Variants in CADM1 observed in about 807,000 individuals in gnomAD.
CADM1 encodes cell adhesion molecule 1, also known as TSLC-1.
A neutral mutation model predicts 53.1 loss-of-function variants in CADM1; 15 were observed. The ratio of observed to expected loss-of-function variants is 0.28; its 90% CI spans 0.19 to 0.44. CADM1 has a LOEUF of 0.44. Among genes scored for constraint, CADM1 ranks in the 20% least tolerant of loss-of-function variants. The probability of loss-of-function intolerance (pLI) is 1.00; values close to 1 mark genes in which losing one functional copy is unlikely to be tolerated. For synonymous variants in CADM1, 281 were observed against 243.0 expected, an observed-to-expected ratio of 1.16 and a Z score of -1.45; for missense variants, 434 against 611.3, an observed-to-expected ratio of 0.71 and a Z score of 3.06.
chr11:115,407,857 G>T (rs1327570751), intron 1 of CADM1, among the ~76,000 whole-genome samples: 1 of 88,988 alleles, frequency 1.1e-5, no homozygotes, highest in African/African-American at 4.4e-5. Flanking sequence ...CAGAAGGAAA[G>T]TAAGACCCTG....
chr11:115,174,758 T>A lies in CADM1; in HGVS notation c.*1716A>T. ...AATAGAATATATATTTATATATATA[T>A]ATAGATCTATCTTTTTTGATGCCAT... is the stretch of plus-strand genomic sequence containing the variant. On this transcript the variant is annotated 3_prime_UTR_variant, in exon 12 of 12. Coordinates refer to ENST00000331581, the MANE Select transcript of CADM1 (RefSeq NM_001301043.2). The A allele has an allele frequency of 3.4e-6, 3 of 884,822 alleles. No homozygotes were observed. The highest frequency in any genetic ancestry group is 4.1e-6 in the Non-Finnish European group (3 of 738,402). 54.8% of individuals were successfully genotyped at this position (884,822 alleles called of 1,614,324 possible). A position where few individuals can be genotyped will look rare whatever the true frequency, so the allele number is the denominator to read the frequency against.
At chr11:115,429,851 T>A (rs1484819030) in intron 1 of CADM1, among the ~76,000 whole-genome samples, 1 of 152,134 alleles carries the variant, frequency 6.6e-6, no homozygotes, top group African/African-American at 2.4e-5. Flanking sequence ...GAAAACTCAG[T>A]GTGGTTTGTT....
intron 1 of CADM1, among the ~76,000 whole-genome samples, chr11:115,474,177 G>C (rs563814787): frequency 6.7e-6 from 1 of 150,372 alleles, no homozygotes; most frequent in South Asian, 2.1e-4. Flanking sequence ...TGTAGTCCCA[G>C]CTACTCTGGA....
intron 1 of CADM1, among the ~76,000 whole-genome samples, chr11:115,379,857 T>C (rs1343398672): frequency 5.3e-5 from 8 of 152,196 alleles, no homozygotes; most frequent in Admixed American, 3.3e-4. Flanking sequence ...TGGTATGTTA[T>C]AAAATACAGT....
intron 1 of CADM1, among the ~76,000 whole-genome samples, chr11:115,361,823 C>A (rs1290687709): frequency 6.6e-6 from 1 of 152,030 alleles, no homozygotes; most frequent in Non-Finnish European, 1.5e-5. Context: ...ACCTCCTGGG[C>A]ACAAGTAATC....
chr11:115,440,194 T>A (rs1330455959), intron 1 of CADM1, among the ~76,000 whole-genome samples: 1 of 152,248 alleles, frequency 6.6e-6, no homozygotes, highest in Non-Finnish European at 1.5e-5. Flanking sequence ...TTTTGTGCTC[T>A]AATTTTGGCT....
At chr11:115,294,761 C>A (rs565489342) in intron 1 of CADM1, among the ~76,000 whole-genome samples, 8 of 164 alleles carry the variant, frequency 0.049, no homozygotes. Flanking sequence ...CTCAGCTGGG[C>A]GCAGTGCTCA....
At chr11:115,365,260 A>G (rs1946128337) in intron 1 of CADM1, among the ~76,000 whole-genome samples, 1 of 63,980 alleles carries the variant, frequency 1.6e-5, no homozygotes, top group Admixed American at 1.4e-4. Context: ...AAAGTGATTC[A>G]TTGTTTCTAT....
rs11417765 is a variant in CADM1, at chr11:115,173,689, CTTT to C, written c.*2782_*2784del. The C allele has an allele frequency of 1.3e-4, 60 of 469,496 alleles. No individual in the cohort carries two copies. The highest frequency in any genetic ancestry group is 1.6e-4 in the Non-Finnish European group (57 of 362,204). The allele number at this position is 469,496 out of a possible 1,614,324, so 29.1% of individuals were successfully genotyped here. ...ATATTTTATAGTACTTCTTTTTTTTCTTTTTTTTTTTGTAAAAATGGTATACAT... is the reference window on the plus strand; with the variant it reads ...ATATTTTATAGTACTTCTTTTTTTTCTTTTTTTTGTAAAAATGGTATACAT... On this transcript the variant is annotated 3_prime_UTR_variant, in exon 12 of 12. Transcript: ENST00000331581.
chr11:115,329,256 T>A (rs1367705932), intron 1 of CADM1, among the ~76,000 whole-genome samples: 1 of 152,158 alleles, frequency 6.6e-6, no homozygotes, highest in South Asian at 2.1e-4. Flanking sequence ...GTACCCAAGA[T>A]CAGGTCTTTT....
intron 1 of CADM1, among the ~76,000 whole-genome samples, chr11:115,491,828 C>T (rs1949503909): frequency 6.6e-6 from 1 of 152,150 alleles, no homozygotes; most frequent in Non-Finnish European, 1.5e-5. Flanking sequence ...TGGAAACCAT[C>T]ATTTGGAGCA....
chr11:115,366,627 G>A (rs11215517), intron 1 of CADM1, among the ~76,000 whole-genome samples: 8,798 of 152,230 alleles, frequency 0.058, 353 homozygotes, highest in Non-Finnish European at 0.089. Flanking sequence ...ACTAGAGAAA[G>A]GAAGAGAAAT....
chr11:115,194,132 T>C (rs1940032616), intron 9 of CADM1: 1 of 152,136 alleles, frequency 6.6e-6, no homozygotes, highest in Admixed American at 6.5e-5. Context: ...GAACGTACAA[T>C]GTCTGCAGAG....
At position 115,400,595 on chromosome 11, in the gene CADM1, C is replaced by CTT. The variant is rs1455193014; in HGVS notation, c.124+103675_124+103676insAA. Among the ~76,000 whole-genome samples, 832 of 134,086 alleles carry CTT rather than the reference C, an allele frequency of 6.2e-3. 21 individuals are homozygous for CTT. The highest frequency in any genetic ancestry group is 0.015 in the African/African-American group (505 of 34,810). The allele number at this position is 134,086 out of a possible 152,430, so 88.0% of individuals were successfully genotyped here. The stretch of plus-strand genomic sequence containing the variant: ...ATATATATAATATATATATATATCT[C>CTT]TCATATATATAATATATATCTTTTA... On this transcript the variant is annotated intron_variant, in intron 1 of 11. Transcript: ENST00000331581.
chr11:115,217,795 G>C, intron 6 of CADM1, 97 bp downstream of exon 6: 1 of 797,832 alleles, frequency 1.3e-6, no homozygotes, highest in Non-Finnish European at 2.3e-6. Context: ...TTTGCAGCAG[G>C]AGACAGGTGA....
Position 115,217,569 on chromosome 11 carries a change from T to G in CADM1, c.821+323A>C, listed in dbSNP as rs1941239558. Among the ~76,000 whole-genome samples the G allele has an allele frequency of 3.3e-5, 5 of 152,192 alleles. No individual in the cohort carries two copies. The South Asian group carries it at 1.0e-3, about 32-fold the overall frequency. ...ACACAAAAGGTGGCAGATATATCAT[T>G]AGATTGTAGGGACACCAATAATTTA... On this transcript the variant is annotated intron_variant, in intron 6 of 11. Coordinates refer to ENST00000331581, the MANE Select transcript of CADM1 (RefSeq NM_001301043.2).
chr11:115,437,439 G>T (rs1948208571), intron 1 of CADM1, among the ~76,000 whole-genome samples: 1 of 152,116 alleles, frequency 6.6e-6, no homozygotes, highest in African/African-American at 2.4e-5. Flanking sequence ...GCCAAAAACT[G>T]CCAGTTGTTT....
chr11:115,361,981 G>A (rs912312192), intron 1 of CADM1, among the ~76,000 whole-genome samples: 1 of 152,004 alleles, frequency 6.6e-6, no homozygotes, highest in African/African-American at 2.4e-5. Context: ...CTCAAGTGAT[G>A]CCCCCACCTC....
intron 5 of CADM1, among the ~76,000 whole-genome samples, chr11:115,221,052 C>T (rs566115857): frequency 2.6e-4 from 40 of 152,286 alleles, no homozygotes; most frequent in African/African-American, 8.7e-4. Flanking sequence ...AAGCCTAGTA[C>T]ATTTTCTGGG....
Sources: gnomAD v4.1 joint callset for allele counts (sites outside exome capture counted in the v4.1 genomes callset) on GRCh38, gnomAD v4.1.1 for gene constraint, MANE v1.5 for transcripts, NCBI Gene and HGNC (gene_info 2026-07-23, HGNC 2026-07-21) for gene names.